HNRNPC: variants seen among roughly 807,000 people sequenced by gnomAD.
The protein encoded by HNRNPC is heterogeneous nuclear ribonucleoprotein C, also known as heterogeneous nuclear ribonucleoproteins C1/C2.
HNRNPC carries 3 observed loss-of-function variants against 33.2 expected under a neutral mutation model. The observed-to-expected ratio is 0.09, with a 90% CI of 0.04 to 0.23. The LOEUF is 0.23. Among genes scored for constraint, HNRNPC ranks in the 10% least tolerant of loss-of-function variants. HNRNPC has a pLI of 1.00. For synonymous variants in HNRNPC, 121 were observed against 126.7 expected, an observed-to-expected ratio of 0.96 and a Z score of 0.30; for missense variants, 143 against 366.7, an observed-to-expected ratio of 0.39 and a Z score of 4.98.
intron 5 of HNRNPC, among the ~76,000 whole-genome samples, chr14:21,216,586 A>G (rs1347566556): frequency 6.6e-6 from 1 of 152,130 alleles, no homozygotes; most frequent in African/African-American, 2.4e-5. Context: ...GCACATTCCT[A>G]TAATCTCAGG....
chr14:21,248,680 A>G (rs530687321), intron 2 of HNRNPC, among the ~76,000 whole-genome samples: 2 of 152,322 alleles, frequency 1.3e-5, no homozygotes, highest in East Asian at 3.9e-4. Context: ...TATAAATTAA[A>G]CCAAGTACCA....
chr14:21,239,956 A>G (rs976108965), intron 2 of HNRNPC, among the ~76,000 whole-genome samples: 1 of 152,210 alleles, frequency 6.6e-6, no homozygotes, highest in East Asian at 1.9e-4. Flanking sequence ...ATGCGTTTGT[A>G]TATTATATAC....
intron 2 of HNRNPC, among the ~76,000 whole-genome samples, chr14:21,244,662 A>T (rs1027162387): frequency 2.0e-5 from 3 of 152,202 alleles, no homozygotes; most frequent in African/African-American, 7.2e-5. Context: ...ATGCATGAGA[A>T]TTGTATCGTT....
At chr14:21,243,489 T>C (rs2139731705) in intron 2 of HNRNPC, among the ~76,000 whole-genome samples, 1 of 152,348 alleles carries the variant, frequency 6.6e-6, no homozygotes, top group African/African-American at 2.4e-5. Context: ...TCAAAAATGA[T>C]ATACACCAGA....
intron 2 of HNRNPC, among the ~76,000 whole-genome samples, chr14:21,262,450 G>T (rs1878399239): frequency 6.6e-6 from 1 of 152,208 alleles, no homozygotes; most frequent in African/African-American, 2.4e-5. Flanking sequence ...ACAAATAACT[G>T]AGGTGGTCCC....
chr14:21,268,889 ACCTTCCC>A (rs1346159399), intron 1 of HNRNPC, among the ~76,000 whole-genome samples: 1 of 152,012 alleles, frequency 6.6e-6, no homozygotes, highest in Non-Finnish European at 1.5e-5. Flanking sequence ...CTACTTGGTA[ACCTTCCC>A]CCTTCCCCTC....
intron 5 of HNRNPC, among the ~76,000 whole-genome samples, chr14:21,219,741 T>C (rs559285574): frequency 9.2e-5 from 14 of 152,286 alleles, no homozygotes; most frequent in African/African-American, 2.9e-4. Flanking sequence ...TGCGGTTTTA[T>C]AAACTCTAAG....
At chr14:21,230,388 G>T in intron 4 of HNRNPC, 22 bp from the exon 5 acceptor site, 1 of 1,585,074 alleles carries the variant, frequency 6.3e-7, no homozygotes, top group South Asian at 1.1e-5. Context: ...ATACCGAAAA[G>T]GGTTAATTTG....
At chr14:21,253,078 G>A (rs377428005) in intron 2 of HNRNPC, among the ~76,000 whole-genome samples, 20 of 151,630 alleles carry the variant, frequency 1.3e-4, no homozygotes, top group African/African-American at 4.8e-4. Flanking sequence ...GGAGACTGAG[G>A]CAAGGGAATC....
chr14:21,260,080 G>C (rs1877942014), intron 2 of HNRNPC, among the ~76,000 whole-genome samples: 1 of 144,502 alleles, frequency 6.9e-6, no homozygotes, highest in East Asian at 2.0e-4. Flanking sequence ...GGCGCCTGTA[G>C]TCCCAGCTAC....
intron 2 of HNRNPC, among the ~76,000 whole-genome samples, chr14:21,260,376 A>T (rs1016821780): frequency 2.6e-5 from 4 of 151,316 alleles, no homozygotes; most frequent in Admixed American, 1.3e-4. Flanking sequence ...ATTTAAAAAA[A>T]AAAAAAAAAA....
chr14:21,237,958 A>T (rs1894904245), intron 2 of HNRNPC, among the ~76,000 whole-genome samples: 1 of 152,070 alleles, frequency 6.6e-6, no homozygotes, highest in South Asian at 2.1e-4. Context: ...TTTAGCAAAG[A>T]CCAGGTTTCT....
At chr14:21,268,283 C>A (rs1879351473) in intron 1 of HNRNPC, among the ~76,000 whole-genome samples, 3 of 152,040 alleles carry the variant, frequency 2.0e-5, no homozygotes, top group African/African-American at 7.2e-5. Flanking sequence ...CACATTTAGG[C>A]GGACGGGAAA....
intron 5 of HNRNPC, among the ~76,000 whole-genome samples, chr14:21,216,194 TAAG>T (rs1011849464): frequency 4.8e-4 from 73 of 150,610 alleles, no homozygotes; most frequent in African/African-American, 1.8e-3. Flanking sequence ...AGACATGTAC[TAAG>T]AAGAGGTTTT....
At chr14:21,219,217 A>G (rs1359183118) in intron 5 of HNRNPC, among the ~76,000 whole-genome samples, 1 of 152,224 alleles carries the variant, frequency 6.6e-6, no homozygotes, top group Non-Finnish European at 1.5e-5. Context: ...TTACAATAAA[A>G]TTCCTTTTAA....
chr14:21,221,273 A>T (rs1892798272), intron 5 of HNRNPC, among the ~76,000 whole-genome samples: 1 of 152,202 alleles, frequency 6.6e-6, no homozygotes, highest in Admixed American at 6.5e-5. Context: ...CTTCCTGAAG[A>T]GTAGGCTTTA....
At chr14:21,251,491 C>T (rs897824218) in intron 2 of HNRNPC, among the ~76,000 whole-genome samples, 1 of 151,972 alleles carries the variant, frequency 6.6e-6, no homozygotes, top group African/African-American at 2.4e-5. Context: ...CCAGCCTGGC[C>T]TACACGGTGA....
At chr14:21,254,398 G>GT (rs377277451) in intron 2 of HNRNPC, 3 of 152,198 alleles carry the variant, frequency 2.0e-5, no homozygotes, top group African/African-American at 7.2e-5. Flanking sequence ...TATATATGCT[G>GT]TATGACAGTG....
intron 2 of HNRNPC, chr14:21,262,846 T>G (rs1445805135): frequency 6.6e-6 from 1 of 151,768 alleles, no homozygotes; most frequent in African/African-American, 2.4e-5. Flanking sequence ...GTTTAAAAAT[T>G]TAACAAATGA....
Sources: gnomAD v4.1 joint callset for allele counts (sites outside exome capture counted in the v4.1 genomes callset) on GRCh38, gnomAD v4.1.1 for gene constraint, MANE v1.5 for transcripts, NCBI Gene and HGNC (gene_info 2026-07-23, HGNC 2026-07-21) for gene names.